Variants in CSMD1 observed in about 807,000 individuals in gnomAD.
CSMD1 encodes the protein CUB and sushi domain-containing protein 1.
CSMD1 carries 213 observed loss-of-function variants against 417.5 expected under a neutral mutation model. The observed-to-expected ratio is 0.51, with a 90% CI of 0.46 to 0.57. The LOEUF (loss-of-function observed/expected upper bound fraction) is 0.57, where lower values mean the gene tolerates loss of function less well. CSMD1 is among the 20% of genes least tolerant of loss of function. The probability of loss-of-function intolerance (pLI) is 0.00; values close to 1 mark genes in which losing one functional copy is unlikely to be tolerated. For synonymous variants in CSMD1, 2,862 were observed against 1,736.8 expected (o/e 1.65, Z -16.11); for missense variants, 6,923 against 4,529.7 (o/e 1.53, Z -15.17).
At chr8:3,433,281 T>G (rs1814338518) in intron 12 of CSMD1, among the ~76,000 whole-genome samples, 1 of 152,212 alleles carries the variant, frequency 6.6e-6, no homozygotes. Context: ...TCTCCAGGTC[T>G]TCTGACCATA....
intron 5 of CSMD1, among the ~76,000 whole-genome samples, chr8:3,827,089 A>G (rs933922411): frequency 2.6e-5 from 4 of 152,300 alleles, no homozygotes; most frequent in African/African-American, 4.8e-5. Context: ...CCTAGAAACA[A>G]TATCTTCTCT....
At position 4,744,284 on chromosome 8, in the gene CSMD1, G is replaced by A. The variant is rs778299783; in HGVS notation, c.86-106726C>T. Among the ~76,000 whole-genome samples, 34 of 152,266 alleles carry A rather than the reference G, an allele frequency of 2.2e-4. 1 individual carries two copies. The highest frequency in any genetic ancestry group is 4.0e-4 in the Non-Finnish European group (27 of 68,018). On this transcript the variant is annotated intron_variant, in intron 1 of 69. Coordinates refer to ENST00000635120, the MANE Select transcript of CSMD1 (RefSeq NM_033225.6). ...GGGGCTTGAACTTTGCCTTTTTAAT[G>A]TAACTTCCCTTCTTCCATTTTGCTT...
chr8:3,635,285 C>A (rs927599363), intron 7 of CSMD1, among the ~76,000 whole-genome samples: 2 of 151,908 alleles, frequency 1.3e-5, no homozygotes, highest in African/African-American at 4.8e-5. Flanking sequence ...ACCAGCCCGG[C>A]CAAGATGGCA....
chr8:2,977,042 G>A (rs1225413192), intron 55 of CSMD1, among the ~76,000 whole-genome samples: 3 of 149,858 alleles, frequency 2.0e-5, no homozygotes, highest in Non-Finnish European at 4.4e-5. Context: ...ATCAGGATAT[G>A]AGGTTTTTTT....
chr8:4,788,118 G>C, intron 1 of CSMD1: 1 of 1,603,742 alleles, frequency 6.2e-7, no homozygotes, highest in Non-Finnish European at 8.5e-7. Flanking sequence ...CAGGGTTGTA[G>C]TGTTGATGGG....
At chr8:3,259,390 C>T (rs372491466) in intron 26 of CSMD1, among the ~76,000 whole-genome samples, 6 of 151,778 alleles carry the variant, frequency 4.0e-5, no homozygotes, top group Non-Finnish European at 7.4e-5. Flanking sequence ...TGCAGGTTTA[C>T]GGACACTCAG....
intron 5 of CSMD1, among the ~76,000 whole-genome samples, chr8:3,928,173 T>G (rs1264047072): frequency 1.3e-5 from 2 of 152,104 alleles, no homozygotes; most frequent in Non-Finnish European, 2.9e-5. Flanking sequence ...ATGAAGCAGC[T>G]CAGAAAAGAA....
At chr8:3,382,227 C>G (rs1268616194) in intron 18 of CSMD1, among the ~76,000 whole-genome samples, 1 of 151,552 alleles carries the variant, frequency 6.6e-6, no homozygotes, top group Non-Finnish European at 1.5e-5. Flanking sequence ...TCACTGTGCT[C>G]CAGCAGGAAA....
intron 5 of CSMD1, among the ~76,000 whole-genome samples, chr8:3,776,886 T>C (rs963815023): frequency 6.6e-6 from 1 of 150,658 alleles, no homozygotes; most frequent in Admixed American, 6.6e-5. Flanking sequence ...GATATAACTT[T>C]GTATTTTTTG....
chr8:4,459,079 C>A (rs1799655458), intron 2 of CSMD1, among the ~76,000 whole-genome samples: 1 of 152,156 alleles, frequency 6.6e-6, no homozygotes. Context: ...ATTCTCTCTA[C>A]CTGCAGATTC....
At chr8:4,548,355 C>T (rs1030698579) in intron 2 of CSMD1, among the ~76,000 whole-genome samples, 3 of 152,038 alleles carry the variant, frequency 2.0e-5, no homozygotes, top group Admixed American at 1.3e-4. Flanking sequence ...AATACTCTAT[C>T]GTATTTTGTC....
At chr8:4,348,806 T>A (rs1392026853) in intron 3 of CSMD1, among the ~76,000 whole-genome samples, 1 of 152,196 alleles carries the variant, frequency 6.6e-6, no homozygotes, top group East Asian at 1.9e-4. Context: ...AACCCATTTA[T>A]TCTTCCAAGA....
At chr8:3,760,513 C>T (rs1797933833) in intron 5 of CSMD1, among the ~76,000 whole-genome samples, 1 of 152,190 alleles carries the variant, frequency 6.6e-6, no homozygotes, top group Non-Finnish European at 1.5e-5. Context: ...CTCATTCTTT[C>T]ATGTAACCTC....
chr8:4,919,868 C>T (rs904861654), intron 1 of CSMD1, among the ~76,000 whole-genome samples: 1 of 152,194 alleles, frequency 6.6e-6, no homozygotes, highest in South Asian at 2.1e-4. Flanking sequence ...GAAGGGAGAG[C>T]ATTCCTTCCC....
intron 5 of CSMD1, among the ~76,000 whole-genome samples, chr8:3,911,405 G>T (rs1808455469): frequency 6.6e-6 from 1 of 151,764 alleles, no homozygotes; most frequent in African/African-American, 2.4e-5. Flanking sequence ...GCGGGCGCCT[G>T]TGATCCCAGT....
At chr8:3,978,346 A>G (rs1813603629) in intron 5 of CSMD1, among the ~76,000 whole-genome samples, 3 of 152,180 alleles carry the variant, frequency 2.0e-5, no homozygotes, top group Non-Finnish European at 4.4e-5. Context: ...CCTTTTTGGT[A>G]AGCACATATA....
chr8:3,016,089 C>A (rs1291282521), intron 52 of CSMD1, among the ~76,000 whole-genome samples: 1 of 152,138 alleles, frequency 6.6e-6, no homozygotes, highest in East Asian at 1.9e-4. Context: ...TTCTTATCTG[C>A]AGGTCGAAGG....
chr8:3,948,009 C>T (rs949206960), intron 5 of CSMD1, among the ~76,000 whole-genome samples: 1 of 152,106 alleles, frequency 6.6e-6, no homozygotes, highest in Non-Finnish European at 1.5e-5. Context: ...TGTTCGAGAC[C>T]AGCCTGGCCA....
At chr8:4,393,493 G>A (rs1803997275) in intron 3 of CSMD1, among the ~76,000 whole-genome samples, 1 of 152,172 alleles carries the variant, frequency 6.6e-6, no homozygotes, top group African/African-American at 2.4e-5. Context: ...CAGCCACTAT[G>A]TAGATTTAAA....
Sources: allele counts gnomAD v4.1 joint callset (sites outside exome capture counted in the v4.1 genomes callset), GRCh38; gene constraint gnomAD v4.1.1; transcripts MANE v1.5; gene names NCBI Gene and HGNC (gene_info 2026-07-23, HGNC 2026-07-21).